KIF5C: variants seen among roughly 807,000 people sequenced by gnomAD.
KIF5C encodes kinesin heavy chain isoform 5C.
Under a neutral mutation model 125.2 loss-of-function variants are expected in KIF5C, and 18 were observed. The observed-to-expected ratio is 0.14, with a 90% confidence interval of 0.10 to 0.21. The LOEUF (loss-of-function observed/expected upper bound fraction) is 0.21, where lower values mean the gene tolerates loss of function less well. KIF5C is among the 10% of genes least tolerant of loss of function. The probability of loss-of-function intolerance (pLI) is 1.00; values close to 1 mark genes in which losing one functional copy is unlikely to be tolerated. For missense variants in KIF5C, 780 were observed against 1,183.8 expected (o/e 0.66, Z 5.01); for synonymous variants, 405 against 434.0 (o/e 0.93, Z 0.83).
rs571368009 is a variant in KIF5C, at chr2:148,946,625, C to T, written c.590-274C>T. On this transcript the variant is annotated intron_variant, in intron 7 of 25. Coordinates refer to ENST00000435030, the MANE Select transcript of KIF5C (RefSeq NM_004522.3). ...TGGAGTAGGAATTTAGAGGATGGGG[C>T]TTCAGGTAGAGCTAGAAAATCTGAT... 4.6e-5 allele frequency among the ~76,000 whole-genome samples: 7 copies of T among 152,266 alleles called. No individual in the cohort carries two copies. In the South Asian group the frequency reaches 1.5e-3, roughly 32 times the overall value.
chr2:149,011,756 G>T, intron 25 of KIF5C, 73 bp downstream of exon 25: 1 of 1,590,416 alleles, frequency 6.3e-7, no homozygotes, highest in African/African-American at 1.3e-5. Flanking sequence ...CCCCTGCCTG[G>T]CAGTGGACCT....
At chr2:149,011,266 T>C (rs1375621285) in intron 24 of KIF5C, among the ~76,000 whole-genome samples, 2 of 152,224 alleles carry the variant, frequency 1.3e-5, no homozygotes, top group African/African-American at 4.8e-5. Context: ...TTGAAAGTCA[T>C]GGGGAACCTA....
At chr2:148,901,101 G>A (rs923117792) in intron 1 of KIF5C, among the ~76,000 whole-genome samples, 1 of 152,168 alleles carries the variant, frequency 6.6e-6, no homozygotes, top group African/African-American at 2.4e-5. Context: ...GGTGGTTGTT[G>A]CGAGATGTTG....
At chr2:148,948,454 C>T (rs760549868) in intron 8 of KIF5C, among the ~76,000 whole-genome samples, 1 of 152,092 alleles carries the variant, frequency 6.6e-6, no homozygotes, top group Non-Finnish European at 1.5e-5. Context: ...TATTTAGAGC[C>T]TAAATACACC....
intron 2 of KIF5C, among the ~76,000 whole-genome samples, chr2:148,928,865 A>G (rs1300828180): frequency 6.6e-6 from 1 of 152,190 alleles, no homozygotes; most frequent in Non-Finnish European, 1.5e-5. Context: ...ACTGACCCAG[A>G]TTAAATCTTC....
At chr2:149,007,368 G>A (rs993973087) in intron 22 of KIF5C, among the ~76,000 whole-genome samples, 1 of 152,200 alleles carries the variant, frequency 6.6e-6, no homozygotes. Context: ...CTTGCCAGGA[G>A]TGCAGTGTTT....
In KIF5C at chr2:149,005,478, G is replaced by A; in HGVS notation, c.2445+14G>A. 1 of 1,612,980 alleles carries A rather than the reference G, an allele frequency of 6.2e-7. No homozygotes were observed. Among genetic ancestry groups the A allele is most frequent in the Non-Finnish European group, 8.5e-7 (1 of 1,179,540 alleles). The stretch of plus-strand genomic sequence containing the variant: ...CGAGTTAAAAAAGTGAGTTCTCTTT[G>A]TCTGAATGGGACTGAGAAGAAAATC... On this transcript the variant is annotated intron_variant, in intron 22 of 25. Coordinates refer to ENST00000435030, the MANE Select transcript of KIF5C (RefSeq NM_004522.3).
intron 2 of KIF5C, among the ~76,000 whole-genome samples, chr2:148,922,457 C>CT (rs1681827199): frequency 6.6e-6 from 1 of 152,114 alleles, no homozygotes; most frequent in Non-Finnish European, 1.5e-5. Context: ...CTTTTGCCAC[C>CT]TTTTTTATTT....
Position 148,973,523 on chromosome 2 carries a change from G to T in KIF5C, c.1293+12G>T. 6.3e-7 allele frequency: 1 copy of T among 1,596,476 alleles called. No individual in the cohort carries two copies. The highest frequency in any genetic ancestry group is 8.5e-7 in the Non-Finnish European group (1 of 1,172,280). ...AACTGGATGACAAGGTCTGTGGCCAGAGATTCATAGTTCTCATTCTGCTAC... is the reference window on the plus strand; with the variant it reads ...AACTGGATGACAAGGTCTGTGGCCATAGATTCATAGTTCTCATTCTGCTAC... On this transcript the variant is annotated intron_variant, in intron 12 of 25. Transcript: ENST00000435030.
chr2:148,997,636 G>A, intron 18 of KIF5C: 1 of 383,146 alleles, frequency 2.6e-6, no homozygotes. Context: ...GGGCTCTTTT[G>A]TCGGAGTTAA....
At chr2:148,998,649 G>C (rs1044850456) in intron 19 of KIF5C, 140 bp downstream of exon 19, 2 of 1,354,560 alleles carry the variant, frequency 1.5e-6, no homozygotes, top group African/African-American at 1.5e-5. Flanking sequence ...CAGCAGGCTG[G>C]GCGGGCTGCT....
intron 8 of KIF5C, among the ~76,000 whole-genome samples, chr2:148,948,983 A>T (rs1038373682): frequency 1.3e-5 from 2 of 152,224 alleles, no homozygotes; most frequent in African/African-American, 4.8e-5. Flanking sequence ...CATTTCTGTC[A>T]TCAGGAGTTT....
intron 25 of KIF5C, among the ~76,000 whole-genome samples, chr2:149,021,832 T>C (rs1235996922): frequency 1.3e-5 from 2 of 152,044 alleles, no homozygotes; most frequent in Non-Finnish European, 2.9e-5. Flanking sequence ...ACCTCCCTCT[T>C]GTCATCCCTG....
In KIF5C at chr2:148,981,468, G is replaced by A; in HGVS notation, c.1476G>A (p.Glu492=). 1 of 1,608,486 alleles carries A rather than the reference G, an allele frequency of 6.2e-7. No individual in the cohort carries two copies. The highest frequency in any genetic ancestry group is 8.5e-7 in the Non-Finnish European group (1 of 1,177,456). Residue 492 remains glutamate, a synonymous_variant, in exon 14 of 26, where the codon GAG becomes GAA. Coordinates refer to ENST00000435030, the MANE Select transcript of KIF5C (RefSeq NM_004522.3). ...DEVKEVLQAL[E]ELAVNYDQKS... Reference sequence around the variant, plus strand: ...TGAAAGAAGTTCTCCAGGCCCTGGAGGAGCTGGCTGTCAATTATGACCAGA... The same window carrying A: ...TGAAAGAAGTTCTCCAGGCCCTGGAAGAGCTGGCTGTCAATTATGACCAGA...
chr2:148,909,521 G>C (rs1441767192), intron 1 of KIF5C, among the ~76,000 whole-genome samples: 2 of 152,240 alleles, frequency 1.3e-5, no homozygotes, highest in Non-Finnish European at 2.9e-5. Context: ...TTTTTGAACA[G>C]TACTTGGCAC....
chr2:148,961,672 C>T (rs1682931672), intron 10 of KIF5C, among the ~76,000 whole-genome samples: 2 of 152,074 alleles, frequency 1.3e-5, no homozygotes, highest in Non-Finnish European at 2.9e-5. Context: ...TGGCTGAGAA[C>T]ACAGACTAAG....
chr2:149,018,833 C>CA (rs1222004099), intron 25 of KIF5C, among the ~76,000 whole-genome samples: 3 of 150,176 alleles, frequency 2.0e-5, no homozygotes, highest in South Asian at 4.2e-4. Context: ...CAATCTTTCT[C>CA]AAAAAAACAA....
At position 148,941,704 on chromosome 2, in the gene KIF5C, T is replaced by C. The variant is rs1390872788; in HGVS notation, c.445+46T>C. ...TCCTTTATTTGTTCTGTAACGAAAG[T>C]CCGGGGAGGTTGAAATGGTTTATCA... On this transcript the variant is annotated intron_variant, in intron 5 of 25. Transcript: ENST00000435030. 3 of 1,542,924 alleles carry C rather than the reference T, an allele frequency of 1.9e-6. No homozygotes were observed. In the South Asian group the frequency reaches 3.7e-5, roughly 19 times the overall value.
intron 1 of KIF5C, among the ~76,000 whole-genome samples, chr2:148,901,817 C>CAGT (rs1363587172): frequency 6.6e-6 from 1 of 152,134 alleles, no homozygotes; most frequent in African/African-American, 2.4e-5. Context: ...CAATCTCTGA[C>CAGT]ATTTCAGAGG....
Sources: gnomAD v4.1 joint callset for allele counts (sites outside exome capture counted in the v4.1 genomes callset) on GRCh38, gnomAD v4.1.1 for gene constraint, MANE v1.5 for transcripts, NCBI Gene and HGNC (gene_info 2026-07-23, HGNC 2026-07-21) for gene names.